Variants in OSBPL5 observed in about 807,000 individuals in gnomAD.
OSBPL5 encodes oxysterol-binding protein-related protein 5.
A neutral mutation model predicts 111.2 loss-of-function variants in OSBPL5; 71 were observed. The observed-to-expected ratio is 0.64, with a 90% CI of 0.53 to 0.78. The LOEUF is 0.78. Among genes scored for constraint, OSBPL5 ranks in the 30% least tolerant of loss-of-function variants. The probability of loss-of-function intolerance (pLI) is 0.00; values close to 1 mark genes in which losing one functional copy is unlikely to be tolerated. For synonymous variants in OSBPL5, 549 were observed against 513.9 expected (o/e 1.07, Z -0.93); for missense variants, 1,210 against 1,189.3 (o/e 1.02, Z -0.26).
rs1383715318 is a variant in OSBPL5, at chr11:3,141,496, C to T, written c.-21-12327G>A. 1.3e-5 allele frequency among the ~76,000 whole-genome samples: 2 copies of T among 152,100 alleles called. No individual in the cohort carries two copies. The highest frequency in any genetic ancestry group is 3.9e-4 in the East Asian group (2 of 5,186). On this transcript the variant is annotated intron_variant, in intron 1 of 21. Coordinates refer to ENST00000263650, the MANE Select transcript of OSBPL5 (RefSeq NM_020896.4). The surrounding 1 kb of genome is among the most constrained non-coding windows in gnomAD (Gnocchi z 6.5). Reference sequence around the variant, plus strand: ...TGGGGGGGGTCTCAAACAGAAGGACCCCCAATCTGTCTTCCGCTGTGGTGG... The same window carrying T: ...TGGGGGGGGTCTCAAACAGAAGGACTCCCAATCTGTCTTCCGCTGTGGTGG...
chr11:3,103,445 C>A, intron 10 of OSBPL5, 125 bp from the exon 11 acceptor site: 1 of 799,118 alleles, frequency 1.3e-6, no homozygotes, highest in Non-Finnish European at 2.0e-6. Context: ...CCACTTGGCC[C>A]AGGCGCTCTG....
chr11:3,141,395 G>A lies in OSBPL5; in HGVS notation c.-21-12226C>T, dbSNP rs78091104. Among the ~76,000 whole-genome samples the A allele has an allele frequency of 7.9e-5, 12 of 152,240 alleles. No individual in the cohort carries two copies. In the East Asian group the frequency reaches 2.3e-3, roughly 29 times the overall value. On this transcript the variant is annotated intron_variant, in intron 1 of 21. Coordinates refer to ENST00000263650, the MANE Select transcript of OSBPL5 (RefSeq NM_020896.4). The surrounding 1 kb of genome is among the most constrained non-coding windows in gnomAD (Gnocchi z 6.5). ...GAAACCCCTCCTGCCCCAGCAGGCA[G>A]GTCCAGCCCCGAGGCCTCCTTGGTT...
intron 10 of OSBPL5, among the ~76,000 whole-genome samples, chr11:3,103,605 C>G (rs994781275): frequency 1.3e-5 from 2 of 151,998 alleles, no homozygotes; most frequent in Admixed American, 6.5e-5. Context: ...TGCCCATGCT[C>G]TTGTTCCCAC....
rs958833158 is a variant in OSBPL5, at chr11:3,093,824, C to G, written c.1731G>C (p.Gly577=). ...QLEFKLKPFF[G]GSTSINQISG... is the part of the protein sequence containing the mutation. Reference sequence around the variant, plus strand: ...AGATCTGGTTGATGCTGGTGCTACCCCCGAAGAAGGGCTGCGGGGCCACAC... The same window carrying G: ...AGATCTGGTTGATGCTGGTGCTACCGCCGAAGAAGGGCTGCGGGGCCACAC... The change falls in exon 16 of 22, where the codon GGG becomes GGC. Residue 577 remains glycine (G), a synonymous_variant. Coordinates refer to ENST00000263650, the MANE Select transcript of OSBPL5 (RefSeq NM_020896.4). 1 of 1,612,174 alleles carries G rather than the reference C, an allele frequency of 6.2e-7. No homozygotes were observed. The highest frequency in any genetic ancestry group is 1.3e-5 in the African/African-American group (1 of 75,052).
In OSBPL5 at chr11:3,119,603, ATGGAGC is replaced by A. The variant is rs1401456183; in HGVS notation, c.629_634del (p.Gly210_Ile212delinsVal). 1 of 1,575,898 alleles carries A rather than the reference ATGGAGC, an allele frequency of 6.3e-7. No individual in the cohort carries two copies. The highest frequency in any genetic ancestry group is 1.9e-5 in the Admixed American group (1 of 51,766). ...GTAGCTGCTGGGCAGGGGCTGTGTG[ATGGAGC>A]CCACGCTCTCACCTTTGGGGCCCTG... is the stretch of plus-strand genomic sequence containing the variant. On this transcript the variant is annotated inframe_deletion, in exon 7 of 22. Coordinates refer to ENST00000263650, the MANE Select transcript of OSBPL5 (RefSeq NM_020896.4).
rs137934223 is a variant in OSBPL5, at chr11:3,126,536, G to A, written c.156C>T (p.Asn52=). 142 of 1,608,850 alleles carry A rather than the reference G, an allele frequency of 8.8e-5. No individual in the cohort carries two copies. In the East Asian group the frequency reaches 9.6e-4, roughly 11 times the overall value. Residue 52 remains asparagine (N), a synonymous_variant, in exon 3 of 22, where the codon AAC becomes AAT. Transcript: ENST00000263650. The surrounding 1 kb of genome is among the most constrained non-coding windows in gnomAD (Gnocchi z 6.5). The part of the protein sequence containing the change: ...PLSPGKDMEP[N]GPSLPRDEGP... ...CTTCATCCCTGGGCAGCGACGGGCC[G>A]TTGGGCTCCATGTCCTTCCCTGCAA...
chr11:3,090,756 G>C, intron 19 of OSBPL5, 60 bp from the exon 20 acceptor site: 1 of 1,531,974 alleles, frequency 6.5e-7, no homozygotes, highest in Admixed American at 2.0e-5. Context: ...CCAGGCCCCA[G>C]GGACATGGTG....
intron 21 of OSBPL5, among the ~76,000 whole-genome samples, chr11:3,089,104 C>G (rs1420434848): frequency 6.6e-6 from 1 of 152,238 alleles, no homozygotes; most frequent in Non-Finnish European, 1.5e-5. Flanking sequence ...CCCTGCTTCT[C>G]TGCCCACACA....
At chr11:3,091,497 G>A (rs1857052836) in intron 19 of OSBPL5, among the ~76,000 whole-genome samples, 1 of 152,166 alleles carries the variant, frequency 6.6e-6, no homozygotes, top group African/African-American at 2.4e-5. Context: ...AGCAGGGGCT[G>A]CGGGGTGGGA....
At position 3,104,139 on chromosome 11, in the gene OSBPL5, T is replaced by C. The variant is rs1256183832; in HGVS notation, c.1244+54A>G. The C allele has an allele frequency of 8.4e-6, 13 of 1,544,916 alleles. No individual in the cohort carries two copies. The highest frequency in any genetic ancestry group is 2.6e-6 in the Non-Finnish European group (3 of 1,136,128). The stretch of plus-strand genomic sequence containing the variant: ...GGTAGGGGCTGGGGGTGCTGCAGGG[T>C]CTCATGCAGATGCAGGACGAGGTGT... On this transcript the variant is annotated intron_variant, in intron 10 of 21. Coordinates refer to ENST00000263650, the MANE Select transcript of OSBPL5 (RefSeq NM_020896.4). This position sits in a 1 kb window ranked among gnomAD's most constrained non-coding sequence, Gnocchi z 5.0.
chr11:3,120,282 G>C lies in OSBPL5; in HGVS notation c.606+139C>G, dbSNP rs143307899. On this transcript the variant is annotated intron_variant, in intron 6 of 21. Transcript: ENST00000263650. ...TATCTGATCCCCTGGCCGCATGTGG[G>C]GCTCAGAGAAGGTGAGACACCTGCT... 2.5e-5 allele frequency: 26 copies of C among 1,023,090 alleles called. No individual in the cohort carries two copies. In the African/African-American group the frequency reaches 3.5e-4, roughly 14 times the overall value. The allele number at this position is 1,023,090 out of a possible 1,614,324, so 63.4% of individuals were successfully genotyped here.
chr11:3,140,720 G>A lies in OSBPL5; in HGVS notation c.-21-11551C>T, dbSNP rs888168481. ...GTTTCCAAGACCAGAGAGGTCATAAGGTCACCTGCTGCCCACACGTCCCAT... is the reference window on the plus strand; with the variant it reads ...GTTTCCAAGACCAGAGAGGTCATAAAGTCACCTGCTGCCCACACGTCCCAT... On this transcript the variant is annotated intron_variant, in intron 1 of 21. Coordinates refer to ENST00000263650, the MANE Select transcript of OSBPL5 (RefSeq NM_020896.4). The surrounding 1 kb of genome is among the most constrained non-coding windows in gnomAD (Gnocchi z 4.5). Among the ~76,000 whole-genome samples the A allele has an allele frequency of 1.3e-5, 2 of 152,134 alleles. No individual in the cohort carries two copies. The highest frequency in any genetic ancestry group is 2.9e-5 in the Non-Finnish European group (2 of 68,022).
At chr11:3,125,476 C>T (rs988731018) in intron 3 of OSBPL5, among the ~76,000 whole-genome samples, 1 of 152,186 alleles carries the variant, frequency 6.6e-6, no homozygotes, top group Non-Finnish European at 1.5e-5. Context: ...CAAACTGAAG[C>T]CGCAGTGAGA....
intron 3 of OSBPL5, among the ~76,000 whole-genome samples, chr11:3,123,355 GA>G (rs1463828822): frequency 6.6e-6 from 1 of 151,900 alleles, no homozygotes; most frequent in African/African-American, 2.4e-5. Context: ...TTAATCAGTT[GA>G]AAAAAAATCA....
chr11:3,090,025 G>A (rs7122180), intron 20 of OSBPL5, 77 bp from the exon 21 acceptor site: 77,467 of 1,175,212 alleles, frequency 0.066, 2,979 homozygotes, highest in African/African-American at 0.12. Context: ...GGGCTGGCAC[G>A]TGGGTCACAG....
rs371695163 is a variant in OSBPL5, at chr11:3,129,646, G to A, written c.-21-477C>T. ...CTGAGCACCAGGGAGTGGCTGGCAC[G>A]GTGTTGGGCAGTCCGGGAGCCTGGC... On this transcript the variant is annotated intron_variant, in intron 1 of 21. Transcript: ENST00000263650. Among the ~76,000 whole-genome samples, 36 of 152,310 alleles carry A rather than the reference G, an allele frequency of 2.4e-4. 1 individual carries two copies. Among genetic ancestry groups the A allele is most frequent in the South Asian group, 1.2e-3 (6 of 4,832 alleles).
intron 1 of OSBPL5, among the ~76,000 whole-genome samples, chr11:3,156,006 A>C (rs4758541): frequency 6.6e-6 from 1 of 152,170 alleles, no homozygotes; most frequent in African/African-American, 2.4e-5. Flanking sequence ...GCAAACATCT[A>C]TGTATGGTGT....
At position 3,122,382 on chromosome 11, in the gene OSBPL5, G is replaced by A; in HGVS notation, c.266C>T (p.Pro89Leu). 6.2e-7 allele frequency: 1 copy of A among 1,613,896 alleles called. No individual in the cohort carries two copies. The highest frequency in any genetic ancestry group is 8.5e-7 in the Non-Finnish European group (1 of 1,179,982). ...CNGSDKECVS[P>L]TARVTKKETL... is the part of the protein sequence containing the mutation. ...CTCCTTCTTGGTGACCCTGGCGGTG[G>A]GGGACACACATTCCTTGTCTGACCC... The change falls in exon 4 of 22, where the codon CCC becomes CTC. Residue 89 changes from proline (P) to leucine (L), a missense_variant. Physicochemically the swap from Pro to Leu is moderately conservative, Grantham distance 98. Coordinates refer to ENST00000263650, the MANE Select transcript of OSBPL5 (RefSeq NM_020896.4).
chr11:3,096,675 TATAAA>T (rs988487977), intron 14 of OSBPL5, among the ~76,000 whole-genome samples: 2 of 151,248 alleles, frequency 1.3e-5, no homozygotes, highest in Admixed American at 6.6e-5. Context: ...ACTTTAGTGA[TATAAA>T]ATAAAATAAA....
Sources: allele counts gnomAD v4.1 joint callset (sites outside exome capture counted in the v4.1 genomes callset), GRCh38; gene constraint gnomAD v4.1.1; non-coding constraint Gnocchi (gnomAD v3.1); transcripts MANE v1.5; gene names NCBI Gene and HGNC (gene_info 2026-07-23, HGNC 2026-07-21).